PLA1A: variants seen among roughly 807,000 people sequenced by gnomAD.
The protein encoded by PLA1A is phosphatidylserine-specific phospholipase A1alpha.
A neutral mutation model predicts 49.4 loss-of-function variants in PLA1A; 47 were observed. That is an observed-to-expected ratio of 0.95 (90% CI 0.75 to 1.21). The LOEUF is 1.21. Ranked by LOEUF, PLA1A falls within the 50% of genes most tolerant of loss-of-function variation. The probability of loss-of-function intolerance (pLI) is 0.00; values close to 1 mark genes in which losing one functional copy is unlikely to be tolerated. For missense variants in PLA1A, 561 were observed against 563.9 expected (o/e 0.99, Z 0.05); for synonymous variants, 224 against 207.9 (o/e 1.08, Z -0.67).
At chr3:119,606,362 A>G (rs2082688136) in intron 1 of PLA1A, among the ~76,000 whole-genome samples, 1 of 152,142 alleles carries the variant, frequency 6.6e-6, no homozygotes, top group Admixed American at 6.5e-5. Context: ...TAATAGTCAT[A>G]TTGATTTAGA....
chr3:119,612,994 C>T, intron 4 of PLA1A, 23 bp from the exon 5 acceptor site: 2 of 1,470,196 alleles, frequency 1.4e-6, no homozygotes, highest in Admixed American at 1.9e-5. Flanking sequence ...AAAGAGGTCC[C>T]TCATATCAGT....
chr3:119,619,686 C>A, intron 8 of PLA1A, 34 bp downstream of exon 8: 2 of 1,409,996 alleles, frequency 1.4e-6, no homozygotes, highest in South Asian at 1.1e-5. Context: ...CTCAGCTCTG[C>A]CAGGGCACCA....
intron 4 of PLA1A, 44 bp from the exon 5 acceptor site, chr3:119,612,973 C>T (rs1282104463): frequency 1.6e-6 from 2 of 1,263,382 alleles, no homozygotes; most frequent in Non-Finnish European, 2.2e-6. Flanking sequence ...AATGTTCCTG[C>T]AGCTGAGAGG....
intron 8 of PLA1A, among the ~76,000 whole-genome samples, chr3:119,621,664 C>G (rs2082934883): frequency 6.6e-6 from 1 of 152,226 alleles, no homozygotes; most frequent in South Asian, 2.1e-4. Flanking sequence ...TTACTTCACT[C>G]CATCCTTACC....
intron 1 of PLA1A, among the ~76,000 whole-genome samples, chr3:119,602,237 G>A (rs530555353): frequency 1.3e-5 from 2 of 152,254 alleles, no homozygotes; most frequent in Admixed American, 6.5e-5. Context: ...GTAAGCTAGG[G>A]ATCAATAGAA....
chr3:119,622,204 G>C (rs2082950262), intron 8 of PLA1A, among the ~76,000 whole-genome samples: 1 of 35,770 alleles, frequency 2.8e-5, no homozygotes, highest in Non-Finnish European at 5.4e-5. Context: ...AGAAGAAGAA[G>C]AAGAAGGAGA....
intron 9 of PLA1A, among the ~76,000 whole-genome samples, chr3:119,627,630 C>G (rs2107803101): frequency 7.6e-6 from 1 of 131,450 alleles, no homozygotes; most frequent in Middle Eastern, 3.7e-3. Flanking sequence ...CCCACACCAC[C>G]CCTGCCCCCG....
At chr3:119,623,373 C>T (rs556566464) in intron 8 of PLA1A, among the ~76,000 whole-genome samples, 2 of 152,244 alleles carry the variant, frequency 1.3e-5, no homozygotes, top group East Asian at 3.9e-4. Flanking sequence ...TCTTGAACTC[C>T]TGGGCTCAAG....
chr3:119,603,370 T>A (rs1216971139), intron 1 of PLA1A, among the ~76,000 whole-genome samples: 1 of 152,248 alleles, frequency 6.6e-6, no homozygotes, highest in Non-Finnish European at 1.5e-5. Flanking sequence ...GTATGTGGGA[T>A]GTGAGAGATA....
chr3:119,615,836 A>AAAAAG lies in PLA1A; in HGVS notation c.665-152_665-148dup, dbSNP rs60240853. Among the ~76,000 whole-genome samples the AAAAAG allele has an allele frequency of 8.7e-3, 1,320 of 150,966 alleles. 3 individuals carry two copies. Among genetic ancestry groups the AAAAAG allele is most frequent in the East Asian group, 0.02 (102 of 5,124 alleles). Reference sequence around the variant, plus strand: ...AAAGAAAGCCTCAGAAAAAAAAAAGAAAAAGAAAAGAAAAGAAAAGAAAAG... The same window carrying AAAAAG: ...AAAGAAAGCCTCAGAAAAAAAAAAGAAAAAGAAAAGAAAAGAAAAGAAAAGAAAAG... On this transcript the variant is annotated intron_variant, in intron 5 of 10. Transcript: ENST00000273371.
At chr3:119,611,834 C>G (rs1208523633) in intron 4 of PLA1A, among the ~76,000 whole-genome samples, 1 of 152,150 alleles carries the variant, frequency 6.6e-6, no homozygotes, top group Non-Finnish European at 1.5e-5. Context: ...TATTTAGATG[C>G]CTTTTATTTC....
At position 119,608,841 on chromosome 3, in the gene PLA1A, T is replaced by C; in HGVS notation, c.347T>C (p.Val116Ala). 1 of 1,613,678 alleles carries C rather than the reference T, an allele frequency of 6.2e-7. No individual in the cohort carries two copies. Among genetic ancestry groups the C allele is most frequent in the Non-Finnish European group, 8.5e-7 (1 of 1,179,550 alleles). Residue 116 changes from valine to alanine, a missense_variant, in exon 3 of 11, where the codon GTG becomes GCG. Physicochemically the swap from Val to Ala is moderately conservative, Grantham distance 64. Coordinates refer to ENST00000273371, the MANE Select transcript of PLA1A (RefSeq NM_015900.4). Reference sequence around the variant, plus strand: ...CTTCTGCGTGCAACGAATGCTAATGTGATTGCCGTGGACTGGATTTATGGG... The same window carrying C: ...CTTCTGCGTGCAACGAATGCTAATGCGATTGCCGTGGACTGGATTTATGGG... Reference protein sequence around the residue: ...RTLLRATNANVIAVDWIYGST... With the variant: ...RTLLRATNANAIAVDWIYGST...
chr3:119,627,114 C>A (rs72957036), intron 9 of PLA1A, among the ~76,000 whole-genome samples: 202 of 152,330 alleles, frequency 1.3e-3, no homozygotes, highest in African/African-American at 4.6e-3. Context: ...TTTAAAAGCT[C>A]CCCGAGTAAT....
At position 119,611,523 on chromosome 3, in the gene PLA1A, A is replaced by AT. The variant is rs879539203; in HGVS notation, c.563-1484dup. On this transcript the variant is annotated intron_variant, in intron 4 of 10. Coordinates refer to ENST00000273371, the MANE Select transcript of PLA1A (RefSeq NM_015900.4). The stretch of plus-strand genomic sequence containing the variant: ...TTTCCATTTGTTTGTGTCACCTATG[A>AT]TTTTTTTTTTAGCAGGGTTTTAGAG... Among the ~76,000 whole-genome samples the AT allele has an allele frequency of 2.3e-3, 342 of 149,614 alleles. 2 individuals are homozygous for AT. Among genetic ancestry groups the AT allele is most frequent in the Admixed American group, 0.018 (264 of 14,988 alleles).
At chr3:119,625,297 A>T in intron 9 of PLA1A, 65 bp downstream of exon 9, 1 of 1,023,286 alleles carries the variant, frequency 9.8e-7, no homozygotes, top group Non-Finnish European at 1.5e-6. Context: ...CATTTTACAC[A>T]CATGGACATC....
At chr3:119,603,380 A>G (rs1412717152) in intron 1 of PLA1A, among the ~76,000 whole-genome samples, 1 of 152,260 alleles carries the variant, frequency 6.6e-6, no homozygotes, top group Non-Finnish European at 1.5e-5. Flanking sequence ...TGTGAGAGAT[A>G]GGAAAGAGTC....
chr3:119,609,323 G>C, intron 3 of PLA1A, 145 bp from the exon 4 acceptor site: 1 of 740,842 alleles, frequency 1.3e-6, no homozygotes, highest in Non-Finnish European at 2.5e-6. Flanking sequence ...AACAATGAGA[G>C]TGCTGTCCTT....
chr3:119,618,271 C>T lies in PLA1A; in HGVS notation c.922+85C>T, dbSNP rs990000893. 1.7e-5 allele frequency: 20 copies of T among 1,150,716 alleles called. No individual in the cohort carries two copies. The African/African-American group carries it at 2.0e-4, about 12-fold the overall frequency. 71.3% of individuals were successfully genotyped at this position (1,150,716 alleles called of 1,614,324 possible). A position where few individuals can be genotyped will look rare whatever the true frequency, so the allele number is the denominator to read the frequency against. ...TGTCCCCTCTTAATGTCCTGATGTC[C>T]TATGGTCAAGAATTCTATCCAATTT... On this transcript the variant is annotated intron_variant, in intron 7 of 10. Transcript: ENST00000273371.
chr3:119,598,028 A>G (rs1453421630), intron 1 of PLA1A, 42 bp downstream of exon 1: 2 of 1,281,754 alleles, frequency 1.6e-6, no homozygotes, highest in South Asian at 1.3e-5. Flanking sequence ...TATTTCAGTC[A>G]GTGATCATAT....
Sources: gnomAD v4.1 joint callset for allele counts (sites outside exome capture counted in the v4.1 genomes callset) on GRCh38, gnomAD v4.1.1 for gene constraint, MANE v1.5 for transcripts, NCBI Gene and HGNC (gene_info 2026-07-23, HGNC 2026-07-21) for gene names.